STIM1: variants seen among roughly 807,000 people sequenced by gnomAD.
STIM1 encodes stromal interaction molecule 1.
STIM1 carries 25 observed loss-of-function variants against 74.7 expected under a neutral mutation model. That is an observed-to-expected ratio of 0.33 (90% CI 0.24 to 0.47). The LOEUF (loss-of-function observed/expected upper bound fraction) is 0.47. Ranked by LOEUF, STIM1 falls within the 20% of genes least tolerant of loss-of-function variation. STIM1 has a pLI of 1.00. For missense variants in STIM1, 728 were observed against 920.8 expected, an observed-to-expected ratio of 0.79 and a Z score of 2.71; for synonymous variants, 328 against 348.8, an observed-to-expected ratio of 0.94 and a Z score of 0.66.
In STIM1 at chr11:4,069,984, C is replaced by CA. The variant is rs769843814; in HGVS notation, c.614-41dup. On this transcript the variant is annotated intron_variant, in intron 5 of 12. Transcript: ENST00000526596. ...AGTGGAGTCTGCAAGGCTAAGTGTGCAGTGGGCACCCTAACTCATCATGCC... is the reference window on the plus strand; with the variant it reads ...AGTGGAGTCTGCAAGGCTAAGTGTGCAAGTGGGCACCCTAACTCATCATGCC... The CA allele has an allele frequency of 4.2e-5, 67 of 1,609,598 alleles. No homozygotes were observed. The Admixed American group carries it at 1.0e-3, about 24-fold the overall frequency.
intron 2 of STIM1, among the ~76,000 whole-genome samples, chr11:4,009,253 C>T (rs868581567): frequency 4.0e-5 from 6 of 150,686 alleles, no homozygotes; most frequent in South Asian, 2.1e-4. Context: ...TGCGATCGCG[C>T]CACTGCACTC....
chr11:4,027,501 G>A (rs868173850), intron 3 of STIM1, among the ~76,000 whole-genome samples: 7 of 151,872 alleles, frequency 4.6e-5, no homozygotes, highest in South Asian at 2.1e-4. Context: ...TAGTAGAGAC[G>A]GGGTTTCACC....
intron 12 of STIM1, among the ~76,000 whole-genome samples, chr11:4,088,196 T>C (rs567780764): frequency 3.7e-4 from 57 of 152,296 alleles, no homozygotes; most frequent in African/African-American, 1.3e-3. Flanking sequence ...TAGACTAGAA[T>C]CAGAGATAGT....
chr11:3,958,786 A>C (rs374034411), intron 1 of STIM1, among the ~76,000 whole-genome samples: 2 of 152,082 alleles, frequency 1.3e-5, no homozygotes, highest in South Asian at 4.2e-4. Flanking sequence ...CCTGGCCAAC[A>C]TGGTGAAACC....
chr11:3,901,919 C>G (rs993891654), intron 1 of STIM1, among the ~76,000 whole-genome samples: 1 of 152,176 alleles, frequency 6.6e-6, no homozygotes, highest in African/African-American at 2.4e-5. Context: ...AGGCACGTGC[C>G]ACGATGCCCA....
rs145979602 is a variant in STIM1 at position 3,918,758 on chromosome 11, G to A, written c.140-48794G>A. Among the ~76,000 whole-genome samples the A allele has an allele frequency of 9.5e-4, 144 of 152,200 alleles. 2 individuals are homozygous for A. The highest frequency in any genetic ancestry group is 1.8e-3 in the Non-Finnish European group (121 of 68,008). On this transcript the variant is annotated intron_variant, in intron 1 of 12. Transcript: ENST00000526596. ...CAGCTTCCCTGGAACCATGTGGATC[G>A]AGAACAGGAAAGAGGTGGTTCCTTA... is the stretch of plus-strand genomic sequence containing the variant.
chr11:4,030,326 C>CAAAAAA (rs35716064), intron 3 of STIM1, among the ~76,000 whole-genome samples: 1 of 122,882 alleles, frequency 8.1e-6, no homozygotes. Context: ...AACTCCATCT[C>CAAAAAA]AAAAAAAAAA....
chr11:4,013,790 C>T (rs1222677662), intron 2 of STIM1, among the ~76,000 whole-genome samples: 4 of 145,650 alleles, frequency 2.7e-5, no homozygotes, highest in African/African-American at 7.6e-5. Flanking sequence ...CTGCAAGCTC[C>T]TCCTCCCGGT....
chr11:3,949,860 T>G (rs1313603761), intron 1 of STIM1, among the ~76,000 whole-genome samples: 1 of 152,112 alleles, frequency 6.6e-6, no homozygotes, highest in African/African-American at 2.4e-5. Flanking sequence ...GATTTCCCAG[T>G]TTTACTTGTA....
intron 2 of STIM1, among the ~76,000 whole-genome samples, chr11:4,016,241 C>T (rs2093895460): frequency 6.6e-6 from 1 of 152,054 alleles, no homozygotes; most frequent in Non-Finnish European, 1.5e-5. Flanking sequence ...TGTGGATGTC[C>T]TTTTTGTTGA....
At chr11:4,075,630 G>A (rs890892158) in intron 7 of STIM1, among the ~76,000 whole-genome samples, 1 of 151,966 alleles carries the variant, frequency 6.6e-6, no homozygotes. Context: ...CTCTTCTGTT[G>A]ATAAACATTT....
At chr11:4,052,498 T>C (rs1435736919) in intron 3 of STIM1, among the ~76,000 whole-genome samples, 1 of 152,232 alleles carries the variant, frequency 6.6e-6, no homozygotes, top group Admixed American at 6.5e-5. Flanking sequence ...AAGGATTCCC[T>C]ATTTAATAAA....
At chr11:3,948,997 T>G (rs1028406350) in intron 1 of STIM1, among the ~76,000 whole-genome samples, 2 of 152,240 alleles carry the variant, frequency 1.3e-5, no homozygotes, top group African/African-American at 4.8e-5. Context: ...TTTGAAGTAC[T>G]TTATATGTAT....
Position 4,059,277 on chromosome 11 carries a change from A to C in STIM1, c.498-4A>C, listed in dbSNP as rs977105613. 4.3e-6 allele frequency: 7 copies of C among 1,613,724 alleles called. No homozygotes were observed. Among genetic ancestry groups the C allele is most frequent in the Non-Finnish European group, 5.9e-6 (7 of 1,179,772 alleles). On this transcript the variant is annotated splice_region_variant and splice_polypyrimidine_tract_variant and intron_variant, in intron 4 of 12. Coordinates refer to ENST00000526596, the MANE Select transcript of STIM1 (RefSeq NM_001382567.1). The stretch of plus-strand genomic sequence containing the variant: ...AACTGATCTGCTACTCTTTGCCTCA[A>C]CAGGCTGGCTGTCACCAACACCACC...
At chr11:4,051,708 G>A (rs1264339118) in intron 3 of STIM1, among the ~76,000 whole-genome samples, 6 of 152,100 alleles carry the variant, frequency 3.9e-5, no homozygotes, top group East Asian at 3.9e-4. Flanking sequence ...GTGCAGTGGC[G>A]TGATCATGGC....
intron 2 of STIM1, among the ~76,000 whole-genome samples, chr11:3,981,179 CGGGCTCCCAAAGCGCT>C (rs1431978386): frequency 2.0e-5 from 3 of 152,150 alleles, no homozygotes; most frequent in Admixed American, 2.0e-4. Context: ...CCATCTGCCT[CGGGCTCCCAAAGCGCT>C]GGGATTATAG....
chr11:4,077,288 T>A (rs1201755224), intron 7 of STIM1, among the ~76,000 whole-genome samples: 2 of 151,864 alleles, frequency 1.3e-5, no homozygotes, highest in Non-Finnish European at 2.9e-5. Context: ...CAAGAAGTAT[T>A]ACTGGACTCC....
At chr11:3,905,068 G>A (rs371963256) in intron 1 of STIM1, among the ~76,000 whole-genome samples, 1 of 152,212 alleles carries the variant, frequency 6.6e-6, no homozygotes, top group East Asian at 1.9e-4. Context: ...CAATCAGAGA[G>A]GCAAGAGAAA....
intron 3 of STIM1, among the ~76,000 whole-genome samples, chr11:4,041,971 A>T (rs1458561323): frequency 6.6e-6 from 1 of 152,190 alleles, no homozygotes; most frequent in Non-Finnish European, 1.5e-5. Context: ...TGTGTGAAGG[A>T]GGGGCAAAGA....
Sources: allele counts gnomAD v4.1 joint callset (sites outside exome capture counted in the v4.1 genomes callset), GRCh38; gene constraint gnomAD v4.1.1; transcripts MANE v1.5; gene names NCBI Gene and HGNC (gene_info 2026-07-23, HGNC 2026-07-21).